BBIP1: variants seen among roughly 807,000 people sequenced by gnomAD.
The protein encoded by BBIP1 is BBSome-interacting protein 1.
Under a neutral mutation model 8.9 loss-of-function variants are expected in BBIP1, and 6 were observed. The ratio of observed to expected loss-of-function variants is 0.67; its 90% confidence interval spans 0.37 to 1.33. BBIP1 has a LOEUF of 1.33. Among genes scored for constraint, BBIP1 ranks in the 40% most tolerant of loss-of-function variants. The pLI, the probability that BBIP1 is intolerant of heterozygous loss-of-function variation, is 0.02. For missense variants in BBIP1, 111 were observed against 109.2 expected (o/e 1.02, Z -0.07); for synonymous variants, 32 against 33.4 (o/e 0.96, Z 0.14).
Position 110,899,788 on chromosome 10 carries a change from T to A in BBIP1, c.*572A>T, listed in dbSNP as rs1171696543. ...CTCGTTTGGGCAACAAGAGTGAAAC[T>A]CTTGTCTCAAAAAAAAAAAAAAATG... On this transcript the variant is annotated 3_prime_UTR_variant, in exon 4 of 4. Transcript: ENST00000448814. 4.2e-5 allele frequency: 5 copies of A among 118,052 alleles called. No homozygotes were observed. Among genetic ancestry groups the A allele is most frequent in the Non-Finnish European group, 3.8e-5 (2 of 52,220 alleles). 7.3% of individuals were successfully genotyped at this position (118,052 alleles called of 1,614,324 possible).
intron 1 of BBIP1, among the ~76,000 whole-genome samples, chr10:110,918,423 A>T (rs987634184): frequency 6.6e-6 from 1 of 152,238 alleles, no homozygotes; most frequent in Non-Finnish European, 1.5e-5. Context: ...AAAAAGATTG[A>T]GGTCCTGCCC....
At chr10:110,910,917 G>A (rs918369204) in intron 2 of BBIP1, 3 of 152,234 alleles carry the variant, frequency 2.0e-5, no homozygotes, top group Admixed American at 1.3e-4. Context: ...AGAAAGATAT[G>A]GCAAAATGGT....
intron 2 of BBIP1, among the ~76,000 whole-genome samples, chr10:110,909,500 G>T (rs748866441): frequency 6.6e-6 from 1 of 152,186 alleles, no homozygotes; most frequent in South Asian, 2.1e-4. Context: ...GGCCAGAAAA[G>T]GTTGGCTCTT....
intron 2 of BBIP1, 37 bp from the exon 3 acceptor site, chr10:110,901,649 C>G (rs1206971537): frequency 6.3e-6 from 9 of 1,433,750 alleles, no homozygotes; most frequent in African/African-American, 4.2e-5. Flanking sequence ...AGAATACATT[C>G]CCAAAGCAGA....
intron 2 of BBIP1, among the ~76,000 whole-genome samples, chr10:110,909,818 C>T (rs1846232779): frequency 6.6e-6 from 1 of 152,126 alleles, no homozygotes; most frequent in Admixed American, 6.5e-5. Context: ...ATTACTCTTT[C>T]AGAGTAGAAA....
chr10:110,901,715 A>C, intron 2 of BBIP1, 103 bp from the exon 3 acceptor site: 2 of 834,362 alleles, frequency 2.4e-6, no homozygotes, highest in Non-Finnish European at 3.9e-6. Context: ...TCCTATAGAA[A>C]GTGAACTACC....
At position 110,902,886 on chromosome 10, in the gene BBIP1, T is replaced by G. The variant is rs554213009; in HGVS notation, c.38-1274A>C. ...AGCTTCTCCTACCATATTCTTTTCT[T>G]TTTAGGCCTGCCAGTGGTACCTAGT... is the stretch of plus-strand genomic sequence containing the variant. On this transcript the variant is annotated intron_variant, in intron 2 of 3. Transcript: ENST00000448814. The G allele has an allele frequency of 9.9e-5, 15 of 151,886 alleles. No homozygotes were observed. The South Asian group carries it at 1.5e-3, about 15-fold the overall frequency. 9.4% of individuals were successfully genotyped at this position (151,886 alleles called of 1,614,324 possible).
chr10:110,912,586 C>T (rs1846304363), intron 2 of BBIP1, among the ~76,000 whole-genome samples: 1 of 152,164 alleles, frequency 6.6e-6, no homozygotes, highest in African/African-American at 2.4e-5. Flanking sequence ...AACTGCATTC[C>T]TGATTACTCA....
chr10:110,907,742 T>C (rs1846181107), intron 2 of BBIP1: 2 of 702,300 alleles, frequency 2.8e-6, no homozygotes, highest in Admixed American at 2.0e-5. Flanking sequence ...CAAATCCTGG[T>C]ATAAAGGATG....
intron 3 of BBIP1, 95 bp from the exon 4 acceptor site, chr10:110,900,621 CTCT>C: frequency 2.9e-6 from 3 of 1,026,916 alleles, no homozygotes; most frequent in Non-Finnish European, 2.7e-6. Context: ...AAAAATTAAT[CTCT>C]TGTCACTGAA....
In BBIP1 at chr10:110,903,020, T is replaced by C. The variant is rs547041938; in HGVS notation, c.38-1408A>G. 3 of 152,172 alleles carry C rather than the reference T, an allele frequency of 2.0e-5. No individual in the cohort carries two copies. The South Asian group carries it at 6.2e-4, about 32-fold the overall frequency. The allele number at this position is 152,172 out of a possible 1,614,324, so 9.4% of individuals were successfully genotyped here. On this transcript the variant is annotated intron_variant, in intron 2 of 3. Coordinates refer to ENST00000448814, the MANE Select transcript of BBIP1 (RefSeq NM_001195305.3). ...TCAAAACCACCACCTAGCCTCTCCA[T>C]TAAATACATCACAGTGAAAATATTC...
intron 2 of BBIP1, chr10:110,910,527 G>A (rs900708854): frequency 3.3e-5 from 5 of 152,236 alleles, no homozygotes; most frequent in Non-Finnish European, 7.3e-5. Flanking sequence ...AAGGAGATTA[G>A]TAAGGAAGCT....
intron 2 of BBIP1, among the ~76,000 whole-genome samples, chr10:110,905,263 T>TA (rs1462152247): frequency 1.1e-4 from 16 of 152,146 alleles, no homozygotes; most frequent in Admixed American, 3.3e-4. Flanking sequence ...TTTGGCAAGT[T>TA]AAAAATCCCT....
chr10:110,901,277 T>C (rs1845993726), intron 3 of BBIP1: 3 of 450,784 alleles, frequency 6.7e-6, no homozygotes, highest in East Asian at 4.4e-5. Context: ...TGACAACCTG[T>C]CTCTTAAAAA....
chr10:110,915,338 G>C (rs770268764), intron 2 of BBIP1, among the ~76,000 whole-genome samples: 1 of 151,896 alleles, frequency 6.6e-6, no homozygotes, highest in South Asian at 2.1e-4. Flanking sequence ...TTTATTTTTT[G>C]AGACAGGGTT....
rs778371981 is a variant in BBIP1, at chr10:110,918,082, A to G, written c.37+39T>C. The G allele has an allele frequency of 3.8e-5, 58 of 1,519,372 alleles. 1 individual carries two copies. The South Asian group carries it at 6.2e-4, about 16-fold the overall frequency. 94.1% of individuals were successfully genotyped at this position (1,519,372 alleles called of 1,614,324 possible). A position where few individuals can be genotyped will look rare whatever the true frequency, so the allele number is the denominator to read the frequency against. ...GTCGAGAAGGTAGGTTTGCATCTGT[A>G]TTGTTGACTGGCTGGATATTAACCA... On this transcript the variant is annotated intron_variant, in intron 2 of 3. Coordinates refer to ENST00000448814, the MANE Select transcript of BBIP1 (RefSeq NM_001195305.3).
rs199902592 is a variant in BBIP1 at position 110,901,605 on chromosome 10, G to C, written c.45C>G (p.Asn15Lys). The C allele has an allele frequency of 4.6e-6, 7 of 1,534,230 alleles. No homozygotes were observed. The Admixed American group carries it at 1.4e-4, about 30-fold the overall frequency. Residue 15 changes from asparagine to lysine, a missense_variant, in exon 3 of 4, where the codon AAC becomes AAG. Transcript: ENST00000448814. ...AAKRPELSGK[N>K]TISNNSDMAE... ...CCATATCTGAGTTGTTGGATATAGT[G>C]TTTTTTCCTTCAATGAGAAATCAGT...
In BBIP1 at chr10:110,900,422, C is replaced by G; in HGVS notation, c.217G>C (p.Ala73Pro). 1 of 1,535,858 alleles carries G rather than the reference C, an allele frequency of 6.5e-7. No individual in the cohort carries two copies. Among genetic ancestry groups the G allele is most frequent in the Non-Finnish European group, 8.7e-7 (1 of 1,146,824 alleles). ...LEKLEKMHQA[A>P]QNTIRQQEMA... ...TCTTGTTGGCGAATTGTATTCTGTGCTGCTTGATGCATTTTCTCTAGTTTT... is the reference window on the plus strand; with the variant it reads ...TCTTGTTGGCGAATTGTATTCTGTGGTGCTTGATGCATTTTCTCTAGTTTT... The change falls in exon 4 of 4, where the codon GCA (alanine) becomes CCA (proline). Residue 73 changes from alanine (A) to proline (P), a missense_variant. Coordinates refer to ENST00000448814, the MANE Select transcript of BBIP1 (RefSeq NM_001195305.3).
intron 2 of BBIP1, chr10:110,902,991 AC>A (rs1660489245): frequency 6.6e-6 from 1 of 152,040 alleles, no homozygotes; most frequent in Non-Finnish European, 1.5e-5. Context: ...CTTGAATTGA[AC>A]TATCAAAACC....
Sources: gnomAD v4.1 joint callset for allele counts (sites outside exome capture counted in the v4.1 genomes callset) on GRCh38, gnomAD v4.1.1 for gene constraint, MANE v1.5 for transcripts, NCBI Gene and HGNC (gene_info 2026-07-23, HGNC 2026-07-21) for gene names.